Variants in NCOR2 observed in about 807,000 individuals in gnomAD.
The protein encoded by NCOR2 is nuclear receptor corepressor 2.
A neutral mutation model predicts 262.9 loss-of-function variants in NCOR2; 81 were observed. The ratio of observed to expected loss-of-function variants is 0.31; its 90% confidence interval spans 0.26 to 0.37. The LOEUF is 0.37. Ranked by LOEUF, NCOR2 falls within the 10% of genes least tolerant of loss-of-function variation. NCOR2 has a pLI of 1.00. For synonymous variants in NCOR2, 1,659 were observed against 1,559.3 expected, an observed-to-expected ratio of 1.06 and a Z score of -1.51; for missense variants, 3,385 against 3,621.4, an observed-to-expected ratio of 0.93 and a Z score of 1.68.
chr12:124,532,306 C>T (rs2050844418), intron 1 of NCOR2, among the ~76,000 whole-genome samples: 1 of 152,086 alleles, frequency 6.6e-6, no homozygotes, highest in South Asian at 2.1e-4. Context: ...CCAGAGGGGC[C>T]CCACAGAGCT....
intron 1 of NCOR2, among the ~76,000 whole-genome samples, chr12:124,492,586 G>A (rs374631166): frequency 2.6e-5 from 4 of 152,268 alleles, no homozygotes; most frequent in African/African-American, 4.8e-5. Context: ...GCTACTGTAC[G>A]AGGAACCAGG....
intron 41 of NCOR2, among the ~76,000 whole-genome samples, chr12:124,333,865 T>TGTGC (rs1555299199): frequency 1.4e-5 from 2 of 143,132 alleles, no homozygotes; most frequent in Non-Finnish European, 3.1e-5. Flanking sequence ...CATGTGTGTG[T>TGTGC]GCGCATGTGT....
intron 7 of NCOR2, among the ~76,000 whole-genome samples, chr12:124,447,207 G>A (rs1300253089): frequency 5.3e-5 from 8 of 152,230 alleles, no homozygotes; most frequent in African/African-American, 1.9e-4. Flanking sequence ...GAGCCACCGC[G>A]CCCAGCACAT....
intron 1 of NCOR2, among the ~76,000 whole-genome samples, chr12:124,509,687 G>A (rs1172971681): frequency 2.0e-5 from 3 of 152,172 alleles, no homozygotes; most frequent in Non-Finnish European, 2.9e-5. Context: ...GGCCAGGCAG[G>A]AGCCAGGGAG....
At chr12:124,529,295 C>T (rs1390015152) in intron 1 of NCOR2, among the ~76,000 whole-genome samples, 1 of 148,232 alleles carries the variant, frequency 6.7e-6, no homozygotes, top group East Asian at 2.0e-4. Context: ...GGCAAAACCC[C>T]GTCTCTACTA....
At chr12:124,344,931 G>T in exon 32 of NCOR2, 1 of 1,557,508 alleles carries the variant, frequency 6.4e-7, no homozygotes. Context: ...ACGCGCCGGT[G>T]TCGTACTTGA....
At chr12:124,545,593 T>C (rs977546573) in intron 1 of NCOR2, among the ~76,000 whole-genome samples, 3 of 152,200 alleles carry the variant, frequency 2.0e-5, no homozygotes, top group Admixed American at 1.3e-4. Flanking sequence ...CCCGGGATCT[T>C]TCTCATGTAC....
intron 1 of NCOR2, among the ~76,000 whole-genome samples, chr12:124,550,959 G>A (rs1391723093): frequency 6.6e-6 from 1 of 152,236 alleles, no homozygotes; most frequent in African/African-American, 2.4e-5. Context: ...CCAAGCTCAC[G>A]TCACATCCCC....
intron 42 of NCOR2, 103 bp downstream of exon 44, chr12:124,333,027 G>A (rs754106471): frequency 3.5e-5 from 51 of 1,447,750 alleles, no homozygotes; most frequent in Non-Finnish European, 4.3e-5. Flanking sequence ...GCTGAGCCCT[G>A]TGCCCTTGTC....
At chr12:124,328,435 G>A (rs2034883033) in intron 44 of NCOR2, 1 of 152,724 alleles carries the variant, frequency 6.5e-6, no homozygotes, top group African/African-American at 2.4e-5. Context: ...CAAGGACAAA[G>A]TGGTCGAATC....
At chr12:124,416,640 G>A (rs2042880085) in intron 13 of NCOR2, among the ~76,000 whole-genome samples, 1 of 142,760 alleles carries the variant, frequency 7.0e-6, no homozygotes, top group Admixed American at 7.1e-5. Flanking sequence ...GGCACAGATA[G>A]ACCCGTGGCA....
intron 1 of NCOR2, among the ~76,000 whole-genome samples, chr12:124,563,518 G>A (rs372684251): frequency 6.6e-6 from 1 of 152,216 alleles, no homozygotes; most frequent in East Asian, 1.9e-4. Context: ...CTGCCCCAGG[G>A]CCTCACTGAG....
At chr12:124,462,903 A>T (rs2046240547) in intron 5 of NCOR2, among the ~76,000 whole-genome samples, 1 of 152,162 alleles carries the variant, frequency 6.6e-6, no homozygotes, top group Admixed American at 6.5e-5. Context: ...GAAGACAAGG[A>T]CCTGAGTCTT....
rs561437965 is a variant in NCOR2, at chr12:124,483,795, A to G, written c.234-22T>C. 1 of 1,573,176 alleles carries G rather than the reference A, an allele frequency of 6.4e-7. No homozygotes were observed. The highest frequency in any genetic ancestry group is 1.4e-5 in the African/African-American group (1 of 73,794). On this transcript the variant is annotated intron_variant, in intron 2 of 46. Coordinates refer to ENST00000405201, the Ensembl canonical transcript of NCOR2. This position sits in a 1 kb window ranked among gnomAD's most constrained non-coding sequence, Gnocchi z 6.3. Reference sequence around the variant, plus strand: ...GGACCTGCAGGAGGTGAGGCATCCAACGTCACATAGGAGATTGCGGCTCTG... The same window carrying G: ...GGACCTGCAGGAGGTGAGGCATCCAGCGTCACATAGGAGATTGCGGCTCTG...
At chr12:124,345,082 G>C (rs2135848919) in intron 31 of NCOR2, 131 bp from the exon 34 acceptor site, 1 of 815,250 alleles carries the variant, frequency 1.2e-6, no homozygotes. Context: ...CCAGAGGCAG[G>C]GAGACAGAGG....
chr12:124,426,596 G>C, intron 11 of NCOR2, 26 bp downstream of exon 13: 2 of 1,545,612 alleles, frequency 1.3e-6, no homozygotes, highest in Non-Finnish European at 1.8e-6. Flanking sequence ...GGGCCGGGAG[G>C]CCAGGCCAGG....
intron 9 of NCOR2, 111 bp downstream of exon 11, chr12:124,430,504 G>A: frequency 7.4e-7 from 1 of 1,359,078 alleles, no homozygotes; most frequent in East Asian, 2.3e-5. Context: ...CCACTGGCCT[G>A]AGAAGCTGCT....
chr12:124,504,692 C>T lies in NCOR2; in HGVS notation c.-117-9324G>A, dbSNP rs956094675. Among the ~76,000 whole-genome samples the T allele has an allele frequency of 2.6e-5, 4 of 152,242 alleles. No individual in the cohort carries two copies. Among genetic ancestry groups the T allele is most frequent in the Admixed American group, 6.5e-5 (1 of 15,290 alleles). ...ACGCAGTCTGTCCATCAATGGACTA[C>T]GATTCAGCCACGCAAAGGTAAGCGC... is the stretch of plus-strand genomic sequence containing the variant. On this transcript the variant is annotated intron_variant, in intron 1 of 46. Coordinates refer to the NCOR2 transcript ENST00000404621. The surrounding 1 kb of genome is among the most constrained non-coding windows in gnomAD (Gnocchi z 4.5).
chr12:124,427,817 T>C (rs1017314152), intron 10 of NCOR2, among the ~76,000 whole-genome samples: 1 of 152,166 alleles, frequency 6.6e-6, no homozygotes, highest in Non-Finnish European at 1.5e-5. Context: ...GCTGCCTTCC[T>C]GTCCTTCCCA....
Sources: allele counts gnomAD v4.1 joint callset (sites outside exome capture counted in the v4.1 genomes callset), GRCh38; gene constraint gnomAD v4.1.1; non-coding constraint Gnocchi (gnomAD v3.1); transcripts MANE v1.5; gene names NCBI Gene and HGNC (gene_info 2026-07-23, HGNC 2026-07-21).